The following OXR1 variants were observed in gnomAD, a reference collection of about 807,000 sequenced individuals.
OXR1 encodes the protein oxidation resistance protein 1.
A neutral mutation model predicts 104.6 loss-of-function variants in OXR1; 41 were observed. The observed-to-expected ratio is 0.39, with a 90% CI of 0.31 to 0.51. The LOEUF (loss-of-function observed/expected upper bound fraction) is 0.51, where lower values mean the gene tolerates loss of function less well. Among genes scored for constraint, OXR1 ranks in the 20% least tolerant of loss-of-function variants. OXR1 has a pLI of 0.77. For missense variants in OXR1, 955 were observed against 1,031.9 expected (o/e 0.93, Z 1.02); for synonymous variants, 348 against 348.4 (o/e 1.00, Z 0.01).
At chr8:106,694,612 TTA>T (rs1313020692) in intron 7 of OXR1, among the ~76,000 whole-genome samples, 11 of 115,174 alleles carry the variant, frequency 9.6e-5, no homozygotes, top group East Asian at 4.9e-4. Flanking sequence ...AAATATATGT[TTA>T]TATATATTTG....
chr8:106,447,944 G>A, intron 2 of OXR1: 1 of 1,534,554 alleles, frequency 6.5e-7, no homozygotes, highest in Non-Finnish European at 8.7e-7. Context: ...CTAGTACGGG[G>A]CTCACAGGTA....
At chr8:106,376,852 C>A (rs1169778346) in intron 2 of OXR1, among the ~76,000 whole-genome samples, 1 of 152,184 alleles carries the variant, frequency 6.6e-6, no homozygotes, top group Non-Finnish European at 1.5e-5. Context: ...CCCTGAAAAC[C>A]CTTCCTGTGG....
At chr8:106,512,358 G>C (rs1197183556) in intron 2 of OXR1, among the ~76,000 whole-genome samples, 1 of 152,120 alleles carries the variant, frequency 6.6e-6, no homozygotes, top group Non-Finnish European at 1.5e-5. Flanking sequence ...AAATTCCTAA[G>C]GCCTAGGGAA....
intron 3 of OXR1, among the ~76,000 whole-genome samples, chr8:106,567,539 A>G (rs1817171455): frequency 6.6e-6 from 1 of 152,162 alleles, no homozygotes; most frequent in Non-Finnish European, 1.5e-5. Context: ...TTACCTAAAT[A>G]AGGAGTTACT....
At chr8:106,649,539 G>A (rs185115042) in intron 3 of OXR1, among the ~76,000 whole-genome samples, 35 of 148,682 alleles carry the variant, frequency 2.4e-4, no homozygotes, top group African/African-American at 8.4e-4. Flanking sequence ...AAATGGCAAG[G>A]TAGTTCTACT....
chr8:106,462,320 G>A (rs761311015), intron 2 of OXR1, among the ~76,000 whole-genome samples: 8 of 152,112 alleles, frequency 5.3e-5, no homozygotes, highest in Admixed American at 1.3e-4. Context: ...TTCAGGCAGC[G>A]CACAGATGTA....
chr8:106,303,248 CTTTT>C (rs1164596413), intron 1 of OXR1, among the ~76,000 whole-genome samples: 2 of 92,358 alleles, frequency 2.2e-5, no homozygotes, highest in Non-Finnish European at 4.1e-5. Flanking sequence ...TTTTTTCTTT[CTTTT>C]TTTTTTTTTT....
chr8:106,346,243 C>T (rs1031158899), intron 1 of OXR1, among the ~76,000 whole-genome samples: 35 of 152,080 alleles, frequency 2.3e-4, no homozygotes, highest in Non-Finnish European at 4.7e-4. Flanking sequence ...TAGAATATTA[C>T]GCATCCAAAG....
At chr8:106,534,797 A>T (rs866232461) in intron 3 of OXR1, among the ~76,000 whole-genome samples, 32 of 152,374 alleles carry the variant, frequency 2.1e-4, no homozygotes, top group Middle Eastern at 6.8e-3. Flanking sequence ...TACTTAACAA[A>T]TACTTGCAAT....
intron 2 of OXR1, among the ~76,000 whole-genome samples, chr8:106,369,874 A>C (rs1417918474): frequency 6.6e-6 from 1 of 152,200 alleles, no homozygotes; most frequent in Non-Finnish European, 1.5e-5. Context: ...TGTCTTGGCT[A>C]TACGAGGTCT....
intron 1 of OXR1, among the ~76,000 whole-genome samples, chr8:106,352,667 T>C (rs910305369): frequency 1.3e-5 from 2 of 152,148 alleles, no homozygotes; most frequent in African/African-American, 2.4e-5. Context: ...TCTATATGTG[T>C]ATTGATGGGG....
At chr8:106,484,802 A>G (rs547052473) in intron 2 of OXR1, among the ~76,000 whole-genome samples, 44 of 152,186 alleles carry the variant, frequency 2.9e-4, no homozygotes, top group African/African-American at 8.2e-4. Context: ...AAAACTAAAC[A>G]TATACTTACC....
chr8:106,432,151 G>A (rs1423763995), intron 2 of OXR1, among the ~76,000 whole-genome samples: 2 of 151,966 alleles, frequency 1.3e-5, no homozygotes, highest in African/African-American at 4.8e-5. Context: ...GTGCATCCCC[G>A]ATCTTTTCTC....
At chr8:106,399,803 TAA>T (rs1176759987) in intron 2 of OXR1, among the ~76,000 whole-genome samples, 1 of 152,188 alleles carries the variant, frequency 6.6e-6, no homozygotes, top group Non-Finnish European at 1.5e-5. Flanking sequence ...TAATTAGTGG[TAA>T]AGTCAGGTTT....
intron 3 of OXR1, among the ~76,000 whole-genome samples, chr8:106,557,966 CA>C (rs1816406353): frequency 6.6e-6 from 1 of 152,176 alleles, no homozygotes; most frequent in African/African-American, 2.4e-5. Flanking sequence ...ATGAGCAAAG[CA>C]AAGTATATTA....
At chr8:106,736,975 T>C (rs745659544) in intron 11 of OXR1, among the ~76,000 whole-genome samples, 2 of 152,212 alleles carry the variant, frequency 1.3e-5, no homozygotes, top group Non-Finnish European at 2.9e-5. Flanking sequence ...ATTTTTCTTA[T>C]TGCCATAGGT....
intron 1 of OXR1, among the ~76,000 whole-genome samples, chr8:106,280,740 G>A (rs983114340): frequency 3.9e-5 from 6 of 152,096 alleles, no homozygotes; most frequent in African/African-American, 1.4e-4. Flanking sequence ...ATGTAATATC[G>A]TGTATTTTAC....
chr8:106,308,301 T>G (rs1444046587), intron 1 of OXR1, among the ~76,000 whole-genome samples: 2 of 152,208 alleles, frequency 1.3e-5, no homozygotes, highest in African/African-American at 4.8e-5. Context: ...TTTTTGTTTA[T>G]GTAGGCCCTC....
At chr8:106,340,545 T>A (rs528233097) in intron 1 of OXR1, among the ~76,000 whole-genome samples, 205 of 152,326 alleles carry the variant, frequency 1.3e-3, no homozygotes, top group African/African-American at 4.1e-3. Flanking sequence ...GCCCCTTACA[T>A]ACTTGCTGTA....
Sources: gnomAD v4.1 joint callset for allele counts (sites outside exome capture counted in the v4.1 genomes callset) on GRCh38, gnomAD v4.1.1 for gene constraint, MANE v1.5 for transcripts, NCBI Gene and HGNC (gene_info 2026-07-23, HGNC 2026-07-21) for gene names.